The following RIN3 variants were observed in gnomAD, a reference collection of about 807,000 sequenced individuals.
RIN3 encodes the protein Ras and Rab interactor 3.
In RIN3, 54 loss-of-function variants were observed where a neutral mutation model predicts 76.3. The observed-to-expected ratio is 0.71, with a 90% confidence interval of 0.57 to 0.89. The LOEUF (loss-of-function observed/expected upper bound fraction) is 0.89, where lower values mean the gene tolerates loss of function less well. Among genes scored for constraint, RIN3 ranks in the 40% least tolerant of loss-of-function variants. The pLI, the probability that RIN3 is intolerant of heterozygous loss-of-function variation, is 0.00. For synonymous variants in RIN3, 576 were observed against 564.0 expected (o/e 1.02, Z -0.30); for missense variants, 1,256 against 1,322.1 (o/e 0.95, Z 0.78).
At chr14:92,610,029 G>GA (rs201013705) in intron 3 of RIN3, among the ~76,000 whole-genome samples, 17 of 151,560 alleles carry the variant, frequency 1.1e-4, no homozygotes, top group African/African-American at 3.6e-4. Context: ...GGCGCTGGCA[G>GA]AAAAAAAAAT....
chr14:92,679,653 G>A (rs1267650636), intron 8 of RIN3, among the ~76,000 whole-genome samples: 1 of 152,188 alleles, frequency 6.6e-6, no homozygotes, highest in African/African-American at 2.4e-5. Context: ...TGGGGTGGTG[G>A]TGCAGAGGTA....
chr14:92,652,232 G>T lies in RIN3; in HGVS notation c.1183G>T (p.Val395Leu). 2 of 1,609,830 alleles carry T rather than the reference G, an allele frequency of 1.2e-6. No individual in the cohort carries two copies. The highest frequency in any genetic ancestry group is 1.7e-6 in the Non-Finnish European group (2 of 1,177,300). Residue 395 changes from valine to leucine, a missense_variant, in exon 6 of 10, where the codon GTG becomes TTG. This residue lies in a region of RIN3 where 610 missense variants were observed against 626.4 expected (regional missense o/e 0.97). Coordinates refer to ENST00000216487, the MANE Select transcript of RIN3 (RefSeq NM_024832.5). This position sits in a 1 kb window ranked among gnomAD's most constrained non-coding sequence, Gnocchi z 6.4. ...TCCCAGACGCCGCGTTTCCGAGAGG[G>T]TGTCCTTAGAAGACCAAAGTCCGGG... The part of the protein sequence containing the change: ...APPRRRVSER[V>L]SLEDQSPGMA...
At position 92,651,862 on chromosome 14, in the gene RIN3, C is replaced by T. The variant is rs762909001; in HGVS notation, c.813C>T (p.Pro271=). 7 of 1,609,502 alleles carry T rather than the reference C, an allele frequency of 4.3e-6. No individual in the cohort carries two copies. The Admixed American group carries it at 5.0e-5, about 12-fold the overall frequency. ...CGCCCACCTCTGATGCCACCTCACC[C>T]ACCTCCAGGTGGGCCCCACGCCGCC... ...PLPPTSDATS[P]TSRWAPRRPP... is the part of the protein sequence containing the mutation. The change falls in exon 6 of 10, where the codon CCC becomes CCT. Residue 271 remains proline, a synonymous_variant. Coordinates refer to ENST00000216487, the MANE Select transcript of RIN3 (RefSeq NM_024832.5).
At chr14:92,544,032 AT>A (rs1566834738) in intron 1 of RIN3, among the ~76,000 whole-genome samples, 1 of 151,440 alleles carries the variant, frequency 6.6e-6, no homozygotes, top group Non-Finnish European at 1.5e-5. Flanking sequence ...CCCCCATCTC[AT>A]TTAGTAGTTA....
Position 92,652,996 on chromosome 14 carries a change from C to G in RIN3, c.1947C>G (p.Thr649=), listed in dbSNP as rs767131905. The change falls in exon 6 of 10, where the codon ACC becomes ACG. Residue 649 remains threonine (T), a synonymous_variant. Coordinates refer to ENST00000216487, the MANE Select transcript of RIN3 (RefSeq NM_024832.5). This position sits in a 1 kb window ranked among gnomAD's most constrained non-coding sequence, Gnocchi z 6.4. ...TGCAGGAGATTCGCACCATGATGAC[C>G]CAGCTCAAGAGCTACCTGCTGCAGA... ...EMLQEIRTMM[T]QLKSYLLQST... is the part of the protein sequence containing the mutation. 2 of 1,612,970 alleles carry G rather than the reference C, an allele frequency of 1.2e-6. No homozygotes were observed. The highest frequency in any genetic ancestry group is 1.7e-6 in the Non-Finnish European group (2 of 1,180,038).
rs555033625 is a variant in RIN3, at chr14:92,643,410, G to C, written c.532+2081G>C. On this transcript the variant is annotated intron_variant, in intron 5 of 9. Transcript: ENST00000216487. The surrounding 1 kb of genome is among the most constrained non-coding windows in gnomAD (Gnocchi z 4.8). Reference sequence around the variant, plus strand: ...CTAATTTACCCAGTTATAACCCTAAGGGCAAGTTTTCAGTTGCTTTTGGGA... The same window carrying C: ...CTAATTTACCCAGTTATAACCCTAACGGCAAGTTTTCAGTTGCTTTTGGGA... Among the ~76,000 whole-genome samples, 36 of 152,254 alleles carry C rather than the reference G, an allele frequency of 2.4e-4. No homozygotes were observed. The highest frequency in any genetic ancestry group is 7.0e-4 in the African/African-American group (29 of 41,556).
chr14:92,575,485 A>G (rs748559325), intron 2 of RIN3, among the ~76,000 whole-genome samples: 15 of 152,184 alleles, frequency 9.9e-5, no homozygotes, highest in Non-Finnish European at 2.1e-4. Context: ...TCGACTGATT[A>G]TGCTTATGGT....
chr14:92,626,273 C>T (rs905606004), intron 4 of RIN3, among the ~76,000 whole-genome samples: 2 of 152,086 alleles, frequency 1.3e-5, no homozygotes, highest in Non-Finnish European at 2.9e-5. Context: ...GTTCACATTC[C>T]CAAATTGTCA....
In RIN3 at chr14:92,636,410, C is replaced by G. The variant is rs189125983; in HGVS notation, c.441-4828C>G. 4.2e-4 allele frequency among the ~76,000 whole-genome samples: 64 copies of G among 152,226 alleles called. No individual in the cohort carries two copies. The East Asian group carries it at 6.4e-3, about 15-fold the overall frequency. On this transcript the variant is annotated intron_variant, in intron 4 of 9. Transcript: ENST00000216487. ...ACCAGCCTGGTCAACATGGTGAAAA[C>G]CCATCTCTACTAAAAATACAAAAAT... is the stretch of plus-strand genomic sequence containing the variant.
chr14:92,543,085 A>C (rs1305031911), intron 1 of RIN3, among the ~76,000 whole-genome samples: 1 of 152,190 alleles, frequency 6.6e-6, no homozygotes, highest in Non-Finnish European at 1.5e-5. Context: ...CTGTTAAAAA[A>C]CGAACCACCC....
chr14:92,549,703 A>G (rs2140028307), intron 1 of RIN3, among the ~76,000 whole-genome samples: 1 of 152,170 alleles, frequency 6.6e-6, no homozygotes, highest in East Asian at 1.9e-4. Context: ...CAGCCCAGGG[A>G]CTGGGTTTTC....
chr14:92,559,527 C>G (rs750726068), intron 2 of RIN3, among the ~76,000 whole-genome samples: 15 of 152,222 alleles, frequency 9.9e-5, no homozygotes, highest in Non-Finnish European at 2.2e-4. Flanking sequence ...TTACCACTGT[C>G]CTCTCCGAGG....
intron 3 of RIN3, among the ~76,000 whole-genome samples, chr14:92,605,603 G>T (rs1338795035): frequency 1.3e-5 from 2 of 152,178 alleles, no homozygotes; most frequent in Non-Finnish European, 2.9e-5. Context: ...TGTAATGAAG[G>T]CATGTGTCAA....
chr14:92,651,666 T>C lies in RIN3; in HGVS notation c.617T>C (p.Leu206Pro). ...PPRDRAPGFP[L>P]VSSLRPTAHD... is the part of the protein sequence containing the mutation. The stretch of plus-strand genomic sequence containing the variant: ...AGAGACCGGGCCCCCGGATTCCCCC[T>C]AGTCTCCAGCCTCAGGCCCACAGCC... Residue 206 changes from leucine to proline, a missense_variant, in exon 6 of 10, where the codon CTA becomes CCA. This residue lies in a region of RIN3 where 610 missense variants were observed against 626.4 expected (regional missense o/e 0.97). Transcript: ENST00000216487. The C allele has an allele frequency of 1.2e-6, 2 of 1,613,712 alleles. No homozygotes were observed. Among genetic ancestry groups the C allele is most frequent in the Non-Finnish European group, 1.7e-6 (2 of 1,179,866 alleles).
At chr14:92,538,142 G>T (rs1897050289) in intron 1 of RIN3, among the ~76,000 whole-genome samples, 1 of 151,644 alleles carries the variant, frequency 6.6e-6, no homozygotes, top group Non-Finnish European at 1.5e-5. Context: ...GCTAATTTTT[G>T]TATTTTTAGT....
intron 3 of RIN3, among the ~76,000 whole-genome samples, chr14:92,580,824 C>T (rs1237278748): frequency 1.3e-5 from 2 of 152,210 alleles, no homozygotes; most frequent in Non-Finnish European, 2.9e-5. Context: ...TGCCGCATTC[C>T]ATTGGCTAGA....
chr14:92,601,615 A>G (rs921447672), intron 3 of RIN3, among the ~76,000 whole-genome samples: 25 of 151,994 alleles, frequency 1.6e-4, no homozygotes, highest in Non-Finnish European at 7.4e-5. Context: ...TCCCAGAGAG[A>G]ACAAAGTGTT....
At chr14:92,644,890 A>G (rs1887144004) in intron 5 of RIN3, 1 of 152,284 alleles carries the variant, frequency 6.6e-6, no homozygotes, top group South Asian at 2.1e-4. Context: ...GGGCCCTGAC[A>G]CACCAGGCAT....
chr14:92,676,158 A>G (rs760743615), intron 7 of RIN3, among the ~76,000 whole-genome samples: 12 of 151,850 alleles, frequency 7.9e-5, no homozygotes, highest in Middle Eastern at 6.8e-3. Flanking sequence ...TATGATGTGA[A>G]TTTGTCTGTC....
Sources: allele counts gnomAD v4.1 joint callset (sites outside exome capture counted in the v4.1 genomes callset), GRCh38; gene constraint gnomAD v4.1.1; regional missense constraint gnomAD v4.1.1; non-coding constraint Gnocchi (gnomAD v3.1); transcripts MANE v1.5; gene names NCBI Gene and HGNC (gene_info 2026-07-23, HGNC 2026-07-21).